The following NELL2 variants were observed in gnomAD, a reference collection of about 807,000 sequenced individuals.
The protein encoded by NELL2 is protein kinase C-binding protein NELL2.
In NELL2, 41 loss-of-function variants were observed where a neutral mutation model predicts 109.6. That is an observed-to-expected ratio of 0.37 (90% CI 0.29 to 0.49). The LOEUF (loss-of-function observed/expected upper bound fraction) is 0.49. NELL2 is among the 20% of genes least tolerant of loss of function. The probability of loss-of-function intolerance (pLI) is 0.98; values close to 1 mark genes in which losing one functional copy is unlikely to be tolerated. For synonymous variants in NELL2, 355 were observed against 344.7 expected, an observed-to-expected ratio of 1.03 and a Z score of -0.33; for missense variants, 900 against 1,008.3, an observed-to-expected ratio of 0.89 and a Z score of 1.45.
chr12:44,750,123 C>A (rs1417371530), intron 9 of NELL2, among the ~76,000 whole-genome samples: 1 of 152,086 alleles, frequency 6.6e-6, no homozygotes, highest in Admixed American at 6.6e-5. Context: ...AGAAAAGTGT[C>A]ATTCTTCAAA....
chr12:44,877,288 A>G (rs1046808601), upstream of NELL2, among the ~76,000 whole-genome samples: 11 of 152,330 alleles, frequency 7.2e-5, no homozygotes, highest in African/African-American at 2.6e-4. Context: ...TATGTCCGGG[A>G]CCATAAAAGT....
intron 9 of NELL2, among the ~76,000 whole-genome samples, chr12:44,764,279 G>C (rs935168309): frequency 5.3e-5 from 8 of 152,090 alleles, no homozygotes; most frequent in African/African-American, 1.7e-4. Flanking sequence ...CAACCAGAAG[G>C]CATTTGCTTT....
intron 9 of NELL2, among the ~76,000 whole-genome samples, chr12:44,732,233 T>C (rs1939407756): frequency 6.6e-6 from 1 of 152,038 alleles, no homozygotes; most frequent in South Asian, 2.1e-4. Context: ...AAAATTCATA[T>C]GGAGCCATAA....
chr12:44,863,081 T>C (rs556958942), intron 2 of NELL2, among the ~76,000 whole-genome samples: 10 of 152,246 alleles, frequency 6.6e-5, no homozygotes, highest in African/African-American at 2.4e-4. Flanking sequence ...CTCCTAATGC[T>C]ATTCGTTCCC....
At chr12:44,853,165 T>C (rs1016409318) in intron 2 of NELL2, among the ~76,000 whole-genome samples, 1 of 152,156 alleles carries the variant, frequency 6.6e-6, no homozygotes, top group Non-Finnish European at 1.5e-5. Flanking sequence ...AACATAATAG[T>C]CTTATAAAAA....
chr12:44,629,273 T>A (rs1946370145), intron 13 of NELL2, among the ~76,000 whole-genome samples: 1 of 152,174 alleles, frequency 6.6e-6, no homozygotes, highest in African/African-American at 2.4e-5. Flanking sequence ...CTTCAGAAAA[T>A]CATTTTGAAA....
At chr12:44,605,578 T>G (rs979724704) in intron 15 of NELL2, among the ~76,000 whole-genome samples, 1 of 152,204 alleles carries the variant, frequency 6.6e-6, no homozygotes, top group Non-Finnish European at 1.5e-5. Context: ...GTATTAATTT[T>G]ATGCCATTCC....
intron 9 of NELL2, among the ~76,000 whole-genome samples, chr12:44,764,336 T>G (rs571442763): frequency 2.0e-5 from 3 of 152,324 alleles, no homozygotes; most frequent in African/African-American, 7.2e-5. Flanking sequence ...TTCTGTTCCA[T>G]GTATGAAGTC....
chr12:44,898,078 G>C (rs71459276), intron 1 of NELL2, among the ~76,000 whole-genome samples: 1 of 152,160 alleles, frequency 6.6e-6, no homozygotes, highest in African/African-American at 2.4e-5. Flanking sequence ...TCTGGGCAGG[G>C]CATCTCTGAA....
intron 1 of NELL2, among the ~76,000 whole-genome samples, chr12:44,919,455 C>T (rs1481322823): frequency 6.6e-6 from 1 of 152,114 alleles, no homozygotes; most frequent in Non-Finnish European, 1.5e-5. Flanking sequence ...TCCTAACCCC[C>T]AGTACCTGTG....
rs189854692 is a variant in NELL2, at chr12:44,648,664, A to G, written c.1444+16820T>C. ...TACCTAATATTTTCAGGTAAAAAAA[A>G]TGAAGGCTTGAACTGAGATTGTGGC... is the stretch of plus-strand genomic sequence containing the variant. On this transcript the variant is annotated intron_variant, in intron 13 of 19. Transcript: ENST00000429094. 2.2e-3 allele frequency among the ~76,000 whole-genome samples: 332 copies of G among 150,930 alleles called. 1 individual carries two copies. The highest frequency in any genetic ancestry group is 7.8e-3 in the African/African-American group (319 of 41,116).
chr12:44,657,589 C>A (rs532324346), intron 13 of NELL2, among the ~76,000 whole-genome samples: 8 of 152,316 alleles, frequency 5.3e-5, no homozygotes, highest in South Asian at 4.1e-4. Context: ...ATCAACCCGT[C>A]ATCTACATTA....
At chr12:44,791,092 T>TATAC (rs1942380511) in intron 3 of NELL2, among the ~76,000 whole-genome samples, 1 of 14,452 alleles carries the variant, frequency 6.9e-5, no homozygotes, top group Admixed American at 1.5e-3. Flanking sequence ...CATATATATA[T>TATAC]ATATGTATAT....
intron 10 of NELL2, 101 bp from the exon 11 acceptor site, chr12:44,711,495 ATT>A (rs1359823595): frequency 4.0e-6 from 4 of 998,146 alleles, no homozygotes; most frequent in East Asian, 5.2e-5. Context: ...AGATCAAGAA[ATT>A]TTTGTCCTGA....
chr12:44,587,284 A>AAAAAAAATAT, intron 15 of NELL2, among the ~76,000 whole-genome samples: 133 of 72,164 alleles, frequency 1.8e-3, no homozygotes, highest in African/African-American at 3.3e-3. Context: ...AAAAAAAAAA[A>AAAAAAAATAT]ATATATATAT....
intron 3 of NELL2, among the ~76,000 whole-genome samples, chr12:44,808,463 A>C (rs1943074377): frequency 6.6e-6 from 1 of 152,050 alleles, no homozygotes; most frequent in African/African-American, 2.4e-5. Flanking sequence ...CACAACAGAG[A>C]TGTAATTTTG....
chr12:44,806,205 T>G (rs1238735842), intron 3 of NELL2, among the ~76,000 whole-genome samples: 3 of 151,776 alleles, frequency 2.0e-5, no homozygotes, highest in Non-Finnish European at 4.4e-5. Flanking sequence ...ATAAAAAATA[T>G]GGAAAATTGA....
chr12:44,559,774 A>G (rs1565925619), intron 15 of NELL2, among the ~76,000 whole-genome samples: 1 of 152,188 alleles, frequency 6.6e-6, no homozygotes, highest in African/African-American at 2.4e-5. Context: ...GATCAATGAG[A>G]CAGAAAATTC....
chr12:44,754,162 A>G (rs1940777631), intron 9 of NELL2, among the ~76,000 whole-genome samples: 1 of 152,212 alleles, frequency 6.6e-6, no homozygotes, highest in African/African-American at 2.4e-5. Context: ...AGAACGAGAC[A>G]TCATTTTACT....
Sources: allele counts gnomAD v4.1 joint callset (sites outside exome capture counted in the v4.1 genomes callset), GRCh38; gene constraint gnomAD v4.1.1; transcripts MANE v1.5; gene names NCBI Gene and HGNC (gene_info 2026-07-23, HGNC 2026-07-21).